Variants in CATSPER4 observed in about 807,000 individuals in gnomAD.
The protein encoded by CATSPER4 is cation channel sperm-associated protein 4.
Under a neutral mutation model 54.4 loss-of-function variants are expected in CATSPER4, and 46 were observed. The ratio of observed to expected loss-of-function variants is 0.84; its 90% CI spans 0.67 to 1.08. The LOEUF is 1.08. CATSPER4 is among the 50% of genes least tolerant of loss of function. The pLI is 0.00. For missense variants in CATSPER4, 574 were observed against 612.8 expected (o/e 0.94, Z 0.67); for synonymous variants, 230 against 231.9 (o/e 0.99, Z 0.08).
At chr1:26,191,701 T>C (rs978333384) in intron 2 of CATSPER4, among the ~76,000 whole-genome samples, 1 of 152,122 alleles carries the variant, frequency 6.6e-6, no homozygotes, top group African/African-American at 2.4e-5. Context: ...GGGTGCCTTG[T>C]GGAGAAGGGG....
chr1:26,201,889 C>G (rs2089012947), intron 9 of CATSPER4, among the ~76,000 whole-genome samples: 1 of 152,050 alleles, frequency 6.6e-6, no homozygotes, highest in East Asian at 1.9e-4. Flanking sequence ...GGGGGTTTCA[C>G]CATCTTGGCC....
At chr1:26,191,994 GA>G (rs1405245817) in intron 2 of CATSPER4, among the ~76,000 whole-genome samples, 1 of 151,954 alleles carries the variant, frequency 6.6e-6, no homozygotes, top group African/African-American at 2.4e-5. Context: ...CAAAGAAACA[GA>G]AAAAAAGAGC....
chr1:26,190,640 G>A lies in CATSPER4; in HGVS notation c.13G>A (p.Glu5Lys). 1 of 1,603,726 alleles carries A rather than the reference G, an allele frequency of 6.2e-7. No homozygotes were observed. The highest frequency in any genetic ancestry group is 8.5e-7 in the Non-Finnish European group (1 of 1,179,742). MRDN[E>K]KAWWQQWTSH... ...AGACTGAGCAAACATGAGGGATAAT[G>A]AAAAGGCCTGGTGGCAGCAATGGAC... is the stretch of plus-strand genomic sequence containing the variant. The change falls in exon 1 of 10, where the codon GAA (glutamate) becomes AAA (lysine). Residue 5 changes from glutamate to lysine, a missense_variant. Coordinates refer to ENST00000456354, the MANE Select transcript of CATSPER4 (RefSeq NM_198137.2).
chr1:26,192,971 G>T (rs6675867), intron 2 of CATSPER4, among the ~76,000 whole-genome samples: 20,251 of 151,656 alleles, frequency 0.13, 1,456 homozygotes, highest in South Asian at 0.22. Context: ...GGCATGGTGC[G>T]CACGCCTATA....
Position 26,199,023 on chromosome 1 carries a change from G to C in CATSPER4, c.812+604G>C, listed in dbSNP as rs74711428. On this transcript the variant is annotated intron_variant, in intron 6 of 9. Transcript: ENST00000456354. ...GTAGTGGATAAAAATCAGGCTGGCC[G>C]GGGCCGGGCGCGGTGGCTCACGCCT... is the stretch of plus-strand genomic sequence containing the variant. 2.6e-5 allele frequency among the ~76,000 whole-genome samples: 4 copies of C among 152,144 alleles called. No individual in the cohort carries two copies. The East Asian group carries it at 5.8e-4, about 22-fold the overall frequency.
At chr1:26,202,408 G>T (rs1335130411) in intron 9 of CATSPER4, 81 bp from the exon 10 acceptor site, 22 of 1,273,846 alleles carry the variant, frequency 1.7e-5, no homozygotes, top group Non-Finnish European at 2.5e-5. Context: ...GGGGAAGCTG[G>T]TGAGACTGGA....
rs374012228 is a variant in CATSPER4 at position 26,190,888 on chromosome 1, A to T, written c.213+48A>T. ...AGTGGCCCCTTCTGCAGCTGTGCTCATGGGCAGCAGGCCCTCATGGTAACT... is the reference window on the plus strand; with the variant it reads ...AGTGGCCCCTTCTGCAGCTGTGCTCTTGGGCAGCAGGCCCTCATGGTAACT... On this transcript the variant is annotated intron_variant, in intron 1 of 9. Coordinates refer to ENST00000456354, the MANE Select transcript of CATSPER4 (RefSeq NM_198137.2). 107 of 1,534,526 alleles carry T rather than the reference A, an allele frequency of 7.0e-5. No individual in the cohort carries two copies. In the Middle Eastern group the frequency reaches 8.7e-4, roughly 12 times the overall value.
In CATSPER4 at chr1:26,202,751, GGAT is replaced by G. The variant is rs2089021368; in HGVS notation, c.*215_*217del. ...TGGAGCAAGGAGAGAGGAGGATGCTGGATGATGAGAGTGGGAACCCTAGCAGCA... is the reference window on the plus strand; with the variant it reads ...TGGAGCAAGGAGAGAGGAGGATGCTGGATGAGAGTGGGAACCCTAGCAGCA... On this transcript the variant is annotated 3_prime_UTR_variant, in exon 10 of 10. Coordinates refer to ENST00000456354, the MANE Select transcript of CATSPER4 (RefSeq NM_198137.2). 1 of 613,754 alleles carries G rather than the reference GGAT, an allele frequency of 1.6e-6. No homozygotes were observed. Among genetic ancestry groups the G allele is most frequent in the East Asian group, 2.8e-5 (1 of 35,978 alleles). 38.0% of individuals were successfully genotyped at this position (613,754 alleles called of 1,614,324 possible). A position where few individuals can be genotyped will look rare whatever the true frequency, so the allele number is the denominator to read the frequency against.
At position 26,200,885 on chromosome 1, in the gene CATSPER4, T is replaced by C; in HGVS notation, c.1043T>C (p.Val348Ala). The stretch of plus-strand genomic sequence containing the variant: ...CAGCTGCCACTGGTGCATTGTGTGG[T>C]CGCCCGCTCGGAGAAATCTGGTCTC... ...NDQLPLVHCV[V>A]ARSEKSGLLQ... is the part of the protein sequence containing the mutation. Residue 348 changes from valine to alanine, a missense_variant, in exon 8 of 10, where the codon GTC becomes GCC. Val to Ala is a moderately conservative substitution (Grantham distance 64). Coordinates refer to ENST00000456354, the MANE Select transcript of CATSPER4 (RefSeq NM_198137.2). 6.2e-7 allele frequency: 1 copy of C among 1,614,078 alleles called. No individual in the cohort carries two copies. Among genetic ancestry groups the C allele is most frequent in the Non-Finnish European group, 8.5e-7 (1 of 1,180,016 alleles).
chr1:26,196,145 T>A (rs1404546184), intron 3 of CATSPER4, among the ~76,000 whole-genome samples: 1 of 44,430 alleles, frequency 2.3e-5, no homozygotes, highest in Non-Finnish European at 5.0e-5. Flanking sequence ...TTTCTTTTCC[T>A]TTTTTTTTTT....
Position 26,190,790 on chromosome 1 carries a change from C to G in CATSPER4, c.163C>G (p.Arg55Gly). 1.9e-6 allele frequency: 3 copies of G among 1,613,142 alleles called. No homozygotes were observed. The highest frequency in any genetic ancestry group is 2.5e-6 in the Non-Finnish European group (3 of 1,179,734). The part of the protein sequence containing the change: ...LQSTIHESYG[R>G]PEEQVLINRQ... ...GAGTACCATTCACGAGTCCTACGGT[C>G]GGCCAGAGGAGCAAGTGCTCATCAA... The change falls in exon 1 of 10, where the codon CGG becomes GGG. Residue 55 changes from arginine to glycine, a missense_variant. Transcript: ENST00000456354.
At chr1:26,202,449 G>C in intron 9 of CATSPER4, 40 bp from the exon 10 acceptor site, 4 of 1,585,138 alleles carry the variant, frequency 2.5e-6, no homozygotes, top group Non-Finnish European at 2.6e-6. Context: ...GCCATATCGG[G>C]GGGAGTGGGG....
chr1:26,201,015 C>A lies in CATSPER4; in HGVS notation c.1173C>A (p.Tyr391Ter). 1 of 1,614,030 alleles carries A rather than the reference C, an allele frequency of 6.2e-7. No individual in the cohort carries two copies. Among genetic ancestry groups the A allele is most frequent in the Non-Finnish European group, 8.5e-7 (1 of 1,179,912 alleles). Residue 391 changes from tyrosine to a stop codon, truncating the protein, a stop_gained, in exon 8 of 10, where the codon TAC becomes TAA. Coordinates refer to ENST00000456354, the MANE Select transcript of CATSPER4 (RefSeq NM_198137.2). LOFTEE classifies it high-confidence loss of function. ...LEAIQENLRQ[Y>*]KEIRDELNMI... is the part of the protein sequence containing the mutation. ...CAATACAGGAGAACCTGAGGCAGTA[C>A]AAGGAGATCCGAGATGAACTCAACA...
chr1:26,196,144 C>CTTT lies in CATSPER4; in HGVS notation c.460-1527_460-1525dup, dbSNP rs376569258. On this transcript the variant is annotated intron_variant, in intron 3 of 9. Transcript: ENST00000456354. Reference sequence around the variant, plus strand: ...ATCTTTCTCATTTTTCTTTCTTTTCCTTTTTTTTTTTTTTTTTCTTTAGAG... The same window carrying CTTT: ...ATCTTTCTCATTTTTCTTTCTTTTCCTTTTTTTTTTTTTTTTTTTTCTTTAGAG... Among the ~76,000 whole-genome samples the CTTT allele has an allele frequency of 1.8e-3, 228 of 125,276 alleles. 2 individuals carry two copies. The highest frequency in any genetic ancestry group is 4.2e-3 in the South Asian group (17 of 4,058). 82.2% of individuals were successfully genotyped at this position (125,276 alleles called of 152,430 possible). A position where few individuals can be genotyped will look rare whatever the true frequency, so the allele number is the denominator to read the frequency against.
At chr1:26,196,481 C>T (rs1289491689) in intron 3 of CATSPER4, among the ~76,000 whole-genome samples, 1 of 134,302 alleles carries the variant, frequency 7.4e-6, no homozygotes, top group Non-Finnish European at 1.5e-5. Flanking sequence ...ACACCCATTT[C>T]GGCTCACTGC....
intron 3 of CATSPER4, among the ~76,000 whole-genome samples, chr1:26,196,896 CT>C (rs1326380105): frequency 6.3e-5 from 9 of 143,372 alleles, no homozygotes; most frequent in African/African-American, 2.4e-4. Flanking sequence ...ACCAGTCTCC[CT>C]TTCTTTCTTT....
At chr1:26,195,318 A>G (rs2088924044) in intron 3 of CATSPER4, among the ~76,000 whole-genome samples, 1 of 152,100 alleles carries the variant, frequency 6.6e-6, no homozygotes, top group African/African-American at 2.4e-5. Flanking sequence ...AAGGAGTTGT[A>G]TTTGGCTCCC....
intron 1 of CATSPER4, among the ~76,000 whole-genome samples, chr1:26,191,070 T>C (rs1448060360): frequency 6.6e-6 from 1 of 152,152 alleles, no homozygotes; most frequent in Non-Finnish European, 1.5e-5. Context: ...AGAGATTCTC[T>C]GGCAATGACT....
chr1:26,191,092 C>T (rs919040007), intron 1 of CATSPER4, among the ~76,000 whole-genome samples, 195 bp from the exon 2 acceptor site: 5 of 152,084 alleles, frequency 3.3e-5, no homozygotes, highest in African/African-American at 1.2e-4. Context: ...CCACAAAATC[C>T]CCCGATAGTA....
Sources: gnomAD v4.1 joint callset for allele counts (sites outside exome capture counted in the v4.1 genomes callset) on GRCh38, gnomAD v4.1.1 for gene constraint, MANE v1.5 for transcripts, NCBI Gene and HGNC (gene_info 2026-07-23, HGNC 2026-07-21) for gene names.